Variants in RANBP2 observed in about 807,000 individuals in gnomAD.
RANBP2 encodes the protein E3 SUMO-protein ligase RanBP2.
In RANBP2, 57 loss-of-function variants were observed where a neutral mutation model predicts 303.6. That is an observed-to-expected ratio of 0.19 (90% confidence interval 0.15 to 0.23). The LOEUF (loss-of-function observed/expected upper bound fraction) is 0.23. Ranked by LOEUF, RANBP2 falls within the 10% of genes least tolerant of loss-of-function variation. The pLI is 1.00. For synonymous variants in RANBP2, 1,167 were observed against 1,301.5 expected, an observed-to-expected ratio of 0.90 and a Z score of 2.23; for missense variants, 3,138 against 3,780.8, an observed-to-expected ratio of 0.83 and a Z score of 4.46.
At chr2:109,168,799 C>T in the RANBP2 span, among the ~76,000 whole-genome samples, 1 of 152,234 alleles carries the variant, frequency 6.6e-6, no homozygotes, top group Non-Finnish European at 1.5e-5. Context: ...AACAGTAGAT[C>T]TCTGTCTTCC....
chr2:109,241,075 G>A, the RANBP2 span, among the ~76,000 whole-genome samples: 354 of 152,236 alleles, frequency 2.3e-3, 2 homozygotes, highest in Non-Finnish European at 4.0e-3. Flanking sequence ...AAAATAAGTG[G>A]CCTTAGTAGT....
At chr2:108,865,088 C>T in the RANBP2 span, among the ~76,000 whole-genome samples, 3 of 152,062 alleles carry the variant, frequency 2.0e-5, no homozygotes, top group African/African-American at 7.2e-5. Context: ...CAAATACATA[C>T]ACATTTTTAC....
At chr2:108,812,864 C>G in the RANBP2 span, 2 of 1,613,374 alleles carry the variant, frequency 1.2e-6, no homozygotes, top group Admixed American at 3.3e-5. Context: ...AAGGAAGTTC[C>G]CATGCTGTTC....
At chr2:109,042,260 A>T in the RANBP2 span, among the ~76,000 whole-genome samples, 1,036 of 152,300 alleles carry the variant, frequency 6.8e-3, 6 homozygotes, top group East Asian at 0.035. Flanking sequence ...TCTGTTGAGC[A>T]GTTTTATTTT....
At chr2:109,047,460 C>G in the RANBP2 span, among the ~76,000 whole-genome samples, 2 of 152,092 alleles carry the variant, frequency 1.3e-5, no homozygotes, top group Admixed American at 6.6e-5. Flanking sequence ...GCTTATTGCC[C>G]CCGGATTACA....
the RANBP2 span, among the ~76,000 whole-genome samples, chr2:109,653,323 A>G: frequency 6.6e-6 from 1 of 151,404 alleles, no homozygotes; most frequent in African/African-American, 2.4e-5. Context: ...TGAACCTGGG[A>G]GGCAGAGTTT....
At chr2:109,131,139 G>A in the RANBP2 span, among the ~76,000 whole-genome samples, 3 of 152,294 alleles carry the variant, frequency 2.0e-5, no homozygotes, top group East Asian at 1.9e-4. Context: ...GAAATGCTGG[G>A]AACATTCTAG....
At chr2:109,269,504 G>T in the RANBP2 span, among the ~76,000 whole-genome samples, 1 of 152,206 alleles carries the variant, frequency 6.6e-6, no homozygotes, top group Non-Finnish European at 1.5e-5. Context: ...TGCCAAGCCA[G>T]GCGTGGTGGC....
the RANBP2 span, among the ~76,000 whole-genome samples, chr2:109,441,473 A>G: frequency 1.8e-4 from 28 of 152,360 alleles, no homozygotes; most frequent in African/African-American, 6.3e-4. Flanking sequence ...AAACTTGAAG[A>G]TATAGTAATA....
the RANBP2 span, chr2:109,130,255 C>G: frequency 6.0e-6 from 5 of 836,806 alleles, no homozygotes; most frequent in African/African-American, 8.9e-5. Flanking sequence ...CTTCCTCCAA[C>G]TTCGCTTGCT....
the RANBP2 span, among the ~76,000 whole-genome samples, chr2:109,189,979 A>G: frequency 6.6e-6 from 1 of 152,194 alleles, no homozygotes; most frequent in African/African-American, 2.4e-5. Flanking sequence ...GTGTTTCTCT[A>G]ACAGATCTGC....
chr2:109,715,140 T>C, the RANBP2 span, among the ~76,000 whole-genome samples: 1 of 151,778 alleles, frequency 6.6e-6, no homozygotes, highest in Non-Finnish European at 1.5e-5. Flanking sequence ...GCTAATTTTG[T>C]ATTTTTAGTA....
the RANBP2 span, among the ~76,000 whole-genome samples, chr2:109,593,409 CTTTT>C: frequency 1.5e-5 from 2 of 133,802 alleles, no homozygotes; most frequent in African/African-American, 5.6e-5. Context: ...AGAGAAAGAA[CTTTT>C]TTTTTTTTTT....
At chr2:109,483,295 G>A in the RANBP2 span, among the ~76,000 whole-genome samples, 1 of 152,178 alleles carries the variant, frequency 6.6e-6, no homozygotes, top group Admixed American at 6.5e-5. Context: ...ATAAGTCCCC[G>A]TTTCTTTCTT....
chr2:108,767,640 A>G lies in RANBP2; in HGVS notation c.7101A>G (p.Gln2367=), dbSNP rs1175995491. 7 of 1,612,014 alleles carry G rather than the reference A, an allele frequency of 4.3e-6. No individual in the cohort carries two copies. The highest frequency in any genetic ancestry group is 5.9e-6 in the Non-Finnish European group (7 of 1,179,850). The change falls in exon 20 of 29, where the codon CAA becomes CAG. Residue 2367 remains glutamine, a synonymous_variant. Coordinates refer to ENST00000283195, the MANE Select transcript of RANBP2 (RefSeq NM_006267.5). ...TTTTACAGAATTATGATAATAAGCA[A>G]GTTCGTATAGTGATGAGAAGGGACC... ...IKILQNYDNK[Q]VRIVMRRDQV...
intron 4 of RANBP2, among the ~76,000 whole-genome samples, chr2:108,732,100 T>TG (rs1695209829): frequency 6.6e-6 from 1 of 152,224 alleles, no homozygotes; most frequent in Non-Finnish European, 1.5e-5. Flanking sequence ...TATATATTAA[T>TG]GTATACTTTA....
In RANBP2 at chr2:108,719,503, C is replaced by G; in HGVS notation, c.-104C>G. The G allele has an allele frequency of 1.3e-6, 2 of 1,524,010 alleles. No individual in the cohort carries two copies. Among genetic ancestry groups the G allele is most frequent in the Middle Eastern group, 2.3e-4 (1 of 4,296 alleles). 94.4% of individuals were successfully genotyped at this position (1,524,010 alleles called of 1,614,324 possible). ...CGTCACAGTGGTCCTCCGCCGGCTA[C>G]GGCGCTGCGTCACTGGTTTGCAGGC... is the stretch of plus-strand genomic sequence containing the variant. On this transcript the variant is annotated 5_prime_UTR_variant, in exon 1 of 29. Coordinates refer to ENST00000283195, the MANE Select transcript of RANBP2 (RefSeq NM_006267.5).
chr2:109,025,095 A>G, the RANBP2 span, among the ~76,000 whole-genome samples: 488 of 152,324 alleles, frequency 3.2e-3, 7 homozygotes, highest in Middle Eastern at 0.041. Flanking sequence ...TAATTTATAT[A>G]CATAGAATCA....
intron 25 of RANBP2, among the ~76,000 whole-genome samples, chr2:108,780,359 A>ATTT (rs869269194): frequency 6.0e-4 from 67 of 111,724 alleles, no homozygotes; most frequent in South Asian, 1.3e-3. Context: ...CGCCCGGCTA[A>ATTT]TTTTTTTTTT....
Sources: allele counts gnomAD v4.1 joint callset (sites outside exome capture counted in the v4.1 genomes callset), GRCh38; gene constraint gnomAD v4.1.1; transcripts MANE v1.5; gene names NCBI Gene and HGNC (gene_info 2026-07-23, HGNC 2026-07-21).